Variants in CNBD1 observed in about 807,000 individuals in gnomAD.
CNBD1 encodes the protein cyclic nucleotide binding domain containing 1, also known as cyclic nucleotide-binding domain-containing protein 1.
A neutral mutation model predicts 54.4 loss-of-function variants in CNBD1; 71 were observed. The ratio of observed to expected loss-of-function variants is 1.30; its 90% CI spans 1.08 to 1.59. The LOEUF (loss-of-function observed/expected upper bound fraction) is 1.59, where lower values mean the gene tolerates loss of function less well. Ranked by LOEUF, CNBD1 falls within the 40% of genes most tolerant of loss-of-function variation. The pLI is 0.00. For synonymous variants in CNBD1, 182 were observed against 170.7 expected (o/e 1.07, Z -0.51); for missense variants, 659 against 518.0 (o/e 1.27, Z -2.64).
chr8:87,326,574 C>T (rs1480750580), intron 8 of CNBD1, among the ~76,000 whole-genome samples: 1 of 116,970 alleles, frequency 8.5e-6, no homozygotes, highest in Non-Finnish European at 1.9e-5. Flanking sequence ...TTGCTGATAC[C>T]CTTTCTTCCA....
chr8:87,107,948 C>T (rs1035922382), intron 4 of CNBD1, among the ~76,000 whole-genome samples: 11 of 152,162 alleles, frequency 7.2e-5, no homozygotes, highest in Admixed American at 6.5e-4. Flanking sequence ...TCTATCTCTT[C>T]AAATAGTATG....
chr8:87,268,450 T>A (rs547743839), intron 6 of CNBD1, among the ~76,000 whole-genome samples: 2 of 152,138 alleles, frequency 1.3e-5, no homozygotes, highest in Non-Finnish European at 2.9e-5. Context: ...TAATTTATTT[T>A]CCTTTGGGTA....
chr8:87,013,084 C>A (rs1809258910), intron 4 of CNBD1, among the ~76,000 whole-genome samples: 1 of 152,158 alleles, frequency 6.6e-6, no homozygotes, highest in Admixed American at 6.5e-5. Context: ...GACTCAAGAC[C>A]CCAAAGGAGT....
intron 6 of CNBD1, among the ~76,000 whole-genome samples, chr8:87,257,515 A>C (rs924617751): frequency 3.9e-5 from 6 of 152,068 alleles, no homozygotes; most frequent in Admixed American, 3.3e-4. Flanking sequence ...TATTTCTGCA[A>C]TTTATAAGTC....
chr8:87,364,907 G>T (rs758283353), intron 10 of CNBD1, among the ~76,000 whole-genome samples: 1 of 152,066 alleles, frequency 6.6e-6, no homozygotes, highest in African/African-American at 2.4e-5. Flanking sequence ...GGGCATTTAG[G>T]TTGATTCCAT....
chr8:87,339,252 G>A (rs1341001918), intron 8 of CNBD1, among the ~76,000 whole-genome samples: 1 of 152,148 alleles, frequency 6.6e-6, no homozygotes, highest in African/African-American at 2.4e-5. Flanking sequence ...AAAACTCCAG[G>A]ATGTAAAAAC....
Position 87,070,802 on chromosome 8 carries a change from A to G in CNBD1, c.431+131048A>G, listed in dbSNP as rs141923564. Among the ~76,000 whole-genome samples, 204 of 152,200 alleles carry G rather than the reference A, an allele frequency of 1.3e-3. 1 individual carries two copies. The highest frequency in any genetic ancestry group is 3.5e-3 in the South Asian group (17 of 4,824). On this transcript the variant is annotated intron_variant, in intron 4 of 10. Transcript: ENST00000518476. ...AGTAAATATTTGTTAAGTAGCTACT[A>G]TGTACCCCTAGGCACCAGCAGTAAA...
At chr8:87,305,106 C>T (rs1373308079) in intron 8 of CNBD1, among the ~76,000 whole-genome samples, 2 of 152,020 alleles carry the variant, frequency 1.3e-5, no homozygotes, top group South Asian at 2.1e-4. Context: ...CTTCTATACA[C>T]CAACAATGAC....
chr8:87,205,293 A>G (rs1286437946), intron 4 of CNBD1, among the ~76,000 whole-genome samples: 1 of 152,080 alleles, frequency 6.6e-6, no homozygotes, highest in Non-Finnish European at 1.5e-5. Context: ...CGGCCTCCCA[A>G]AGTGCTAGGA....
intron 4 of CNBD1, among the ~76,000 whole-genome samples, chr8:86,953,572 A>G (rs762244725): frequency 2.6e-5 from 4 of 152,146 alleles, no homozygotes; most frequent in African/African-American, 4.8e-5. Flanking sequence ...CCTTACTCCA[A>G]CAATCCTATG....
At chr8:86,982,198 A>G (rs1484766116) in intron 4 of CNBD1, among the ~76,000 whole-genome samples, 3 of 152,136 alleles carry the variant, frequency 2.0e-5, no homozygotes, top group Non-Finnish European at 4.4e-5. Flanking sequence ...TGCCACTTAT[A>G]TGTCTTTTGT....
At chr8:87,377,199 T>C (rs954715098) in intron 10 of CNBD1, among the ~76,000 whole-genome samples, 7 of 151,344 alleles carry the variant, frequency 4.6e-5, no homozygotes, top group African/African-American at 1.7e-4. Flanking sequence ...ATGTGCACAT[T>C]GTGCAGGTTA....
chr8:87,022,284 A>T (rs1421461236), intron 4 of CNBD1, among the ~76,000 whole-genome samples: 5 of 152,170 alleles, frequency 3.3e-5, no homozygotes, highest in Non-Finnish European at 7.4e-5. Flanking sequence ...ACTTGCATGG[A>T]GTGAGGCATT....
chr8:87,355,554 G>T (rs969771262), intron 10 of CNBD1, among the ~76,000 whole-genome samples: 3 of 152,088 alleles, frequency 2.0e-5, no homozygotes, highest in Non-Finnish European at 4.4e-5. Context: ...ATACAATTGA[G>T]TATGAAGGAG....
rs557642358 is a variant in CNBD1, at chr8:87,138,518, C to T, written c.432-67475C>T. Reference sequence around the variant, plus strand: ...CCCTGTGTTACAGATAAACTTACTGCACAAACGCAGTGGTCTTTATCTGCT... The same window carrying T: ...CCCTGTGTTACAGATAAACTTACTGTACAAACGCAGTGGTCTTTATCTGCT... On this transcript the variant is annotated intron_variant, in intron 4 of 10. Coordinates refer to ENST00000518476, the MANE Select transcript of CNBD1 (RefSeq NM_173538.3). 3.3e-5 allele frequency among the ~76,000 whole-genome samples: 5 copies of T among 152,324 alleles called. No homozygotes were observed. In the East Asian group the frequency reaches 7.7e-4, roughly 24 times the overall value.
intron 4 of CNBD1, among the ~76,000 whole-genome samples, chr8:86,975,041 T>C (rs563624074): frequency 9.5e-4 from 144 of 152,232 alleles, no homozygotes; most frequent in Non-Finnish European, 1.7e-3. Flanking sequence ...GAAAATATTC[T>C]CTGTGTTCAA....
chr8:87,422,766 T>G (rs1370121953), intron 2 of CNBD1, among the ~76,000 whole-genome samples: 1 of 152,190 alleles, frequency 6.6e-6, no homozygotes, highest in Non-Finnish European at 1.5e-5. Context: ...GGCTCTTTTT[T>G]GGTTCCATAT....
intron 10 of CNBD1, among the ~76,000 whole-genome samples, chr8:87,354,681 T>G (rs1403083106): frequency 6.6e-6 from 1 of 152,024 alleles, no homozygotes; most frequent in East Asian, 1.9e-4. Context: ...CTTGTGATAG[T>G]TTGCTGAGAA....
At chr8:87,087,082 T>A (rs771175466) in intron 4 of CNBD1, among the ~76,000 whole-genome samples, 3 of 151,412 alleles carry the variant, frequency 2.0e-5, no homozygotes, top group Non-Finnish European at 2.9e-5. Context: ...TTGGATTGAT[T>A]TAAATTACAG....
Sources: gnomAD v4.1 joint callset for allele counts (sites outside exome capture counted in the v4.1 genomes callset) on GRCh38, gnomAD v4.1.1 for gene constraint, MANE v1.5 for transcripts, NCBI Gene and HGNC (gene_info 2026-07-23, HGNC 2026-07-21) for gene names.